The following PCDHGA6 variants were observed in gnomAD, a reference collection of about 807,000 sequenced individuals.
PCDHGA6 encodes protocadherin gamma subfamily A, 6.
Under a neutral mutation model 60.6 loss-of-function variants are expected in PCDHGA6, and 41 were observed. The ratio of observed to expected loss-of-function variants is 0.68; its 90% confidence interval spans 0.53 to 0.88. The LOEUF (loss-of-function observed/expected upper bound fraction) is 0.88. PCDHGA6 is among the 40% of genes least tolerant of loss of function. PCDHGA6 has a pLI of 0.00. For synonymous variants in PCDHGA6, 594 were observed against 524.4 expected (o/e 1.13, Z -1.81); for missense variants, 1,312 against 1,203.0 (o/e 1.09, Z -1.34).
chr5:141,472,853 G>A (rs1283601489), intron 1 of PCDHGA6, among the ~76,000 whole-genome samples: 1 of 151,738 alleles, frequency 6.6e-6, no homozygotes, highest in Non-Finnish European at 1.5e-5. Flanking sequence ...GGGCATGGTG[G>A]CACATGCCTG....
At position 141,399,158 on chromosome 5, in the gene PCDHGA6, C is replaced by T. The variant is rs575806440; in HGVS notation, c.2424+22651C>T. 17 of 1,613,790 alleles carry T rather than the reference C, an allele frequency of 1.1e-5. No homozygotes were observed. The East Asian group carries it at 2.9e-4, about 27-fold the overall frequency. On this transcript the variant is annotated intron_variant, in intron 1 of 3. Transcript: ENST00000517434. The stretch of plus-strand genomic sequence containing the variant: ...GAAAATGACAATAGCCCAGAAGTTA[C>T]ATTCCATTCTCTACTTGAAATGATT...
chr5:141,417,963 A>T (rs1260025037), intron 1 of PCDHGA6: 1 of 1,613,258 alleles, frequency 6.2e-7, no homozygotes, highest in Non-Finnish European at 8.5e-7. Flanking sequence ...CCGATCCGCT[A>T]CTCGATTCCG....
intron 1 of PCDHGA6, among the ~76,000 whole-genome samples, chr5:141,443,858 T>C (rs1325927807): frequency 6.6e-6 from 1 of 152,162 alleles, no homozygotes; most frequent in Non-Finnish European, 1.5e-5. Context: ...GTCTGAAAAC[T>C]GAAAAAATTA....
intron 1 of PCDHGA6, chr5:141,419,030 C>G (rs1178461733): frequency 5.0e-6 from 8 of 1,613,768 alleles, no homozygotes; most frequent in Non-Finnish European, 6.8e-6. Context: ...TAGAGGTGTT[C>G]CATTTAAGAT....
chr5:141,486,844 C>T lies in PCDHGA6; in HGVS notation c.2425-7963C>T, dbSNP rs150549306. The T allele has an allele frequency of 1.1e-5, 17 of 1,614,220 alleles. No homozygotes were observed. The highest frequency in any genetic ancestry group is 1.4e-5 in the Non-Finnish European group (16 of 1,180,026). ...TAACAGTTCGTCTATTTGTGCTGGACCTCAATGACAATGCTCCAGCTGTGC... is the reference window on the plus strand; with the variant it reads ...TAACAGTTCGTCTATTTGTGCTGGATCTCAATGACAATGCTCCAGCTGTGC... On this transcript the variant is annotated intron_variant, in intron 1 of 3. Transcript: ENST00000517434. The surrounding 1 kb of genome is among the most constrained non-coding windows in gnomAD (Gnocchi z 5.0).
In PCDHGA6 at chr5:141,398,596, G is replaced by A. The variant is rs201846904; in HGVS notation, c.2424+22089G>A. 1,173 of 1,614,034 alleles carry A rather than the reference G, an allele frequency of 7.3e-4. 1 individual carries two copies. Among genetic ancestry groups the A allele is most frequent in the Non-Finnish European group, 9.3e-4 (1,101 of 1,179,898 alleles). ...TGGCACAAGATTTATACTAGAAGTA[G>A]CAGAAGATGCAGATATTGGCTTAAA... is the stretch of plus-strand genomic sequence containing the variant. On this transcript the variant is annotated intron_variant, in intron 1 of 3. Transcript: ENST00000517434.
At position 141,374,044 on chromosome 5, in the gene PCDHGA6, T is replaced by C; in HGVS notation, c.-40T>C. 1 of 1,465,536 alleles carries C rather than the reference T, an allele frequency of 6.8e-7. No homozygotes were observed. Among genetic ancestry groups the C allele is most frequent in the Non-Finnish European group, 9.0e-7 (1 of 1,107,946 alleles). The allele number at this position is 1,465,536 out of a possible 1,614,324, so 90.8% of individuals were successfully genotyped here. On this transcript the variant is annotated 5_prime_UTR_variant, in exon 1 of 4. Transcript: ENST00000517434. ...AGCAAAAGTGATGCAGATCTGTTCT[T>C]CCTCTTCTTAATCCCAGAGAAGTTC...
At chr5:141,422,498 C>T (rs1482415670) in intron 1 of PCDHGA6, 1 of 1,613,964 alleles carries the variant, frequency 6.2e-7, no homozygotes, top group Admixed American at 1.7e-5. Flanking sequence ...ATAACGTTGA[C>T]AGCCACAGAC....
intron 1 of PCDHGA6, chr5:141,433,023 A>C: frequency 6.2e-7 from 1 of 1,614,084 alleles, no homozygotes; most frequent in East Asian, 2.2e-5. Context: ...ACCTATTCCC[A>C]CGAGGTTTCC....
In PCDHGA6 at chr5:141,432,645, C is replaced by A. The variant is rs758701539; in HGVS notation, c.2424+56138C>A. ...CTGCACACGGGCGAGGTGCGCACGG[C>A]GCGAGCCCTGCTGGACAGAGACGCG... On this transcript the variant is annotated intron_variant, in intron 1 of 3. Coordinates refer to ENST00000517434, the MANE Select transcript of PCDHGA6 (RefSeq NM_018919.3). This position sits in a 1 kb window ranked among gnomAD's most constrained non-coding sequence, Gnocchi z 6.0. The A allele has an allele frequency of 1.2e-5, 20 of 1,613,628 alleles. No individual in the cohort carries two copies. The highest frequency in any genetic ancestry group is 1.6e-4 in the Middle Eastern group (1 of 6,066).
chr5:141,419,877 C>G (rs1272137716), intron 1 of PCDHGA6: 24 of 1,614,062 alleles, frequency 1.5e-5, no homozygotes, highest in Non-Finnish European at 1.9e-5. Flanking sequence ...GAGGTACTGC[C>G]GGATTTCAGC....
chr5:141,428,073 G>A (rs2097106496), intron 1 of PCDHGA6: 1 of 1,609,082 alleles, frequency 6.2e-7, no homozygotes, highest in Admixed American at 1.7e-5. Flanking sequence ...CGCAGATTCG[G>A]GACACAACGC....
At chr5:141,494,524 C>T (rs2099754936) in intron 1 of PCDHGA6, among the ~76,000 whole-genome samples, 1 of 152,156 alleles carries the variant, frequency 6.6e-6, no homozygotes, top group African/African-American at 2.4e-5. Flanking sequence ...GGAGTTCTGA[C>T]TCTGGGGGCA....
In PCDHGA6 at chr5:141,431,320, C is replaced by A. The variant is rs993831541; in HGVS notation, c.2424+54813C>A. ...CCCTCATCGTGCAAAATGGAGCCGA[C>A]GGTAGTAAGTACCCCGAATTGGTGC... On this transcript the variant is annotated intron_variant, in intron 1 of 3. Transcript: ENST00000517434. This position sits in a 1 kb window ranked among gnomAD's most constrained non-coding sequence, Gnocchi z 4.8. 1 of 1,614,102 alleles carries A rather than the reference C, an allele frequency of 6.2e-7. No individual in the cohort carries two copies. The highest frequency in any genetic ancestry group is 1.7e-5 in the Admixed American group (1 of 60,032).
At chr5:141,445,558 G>A (rs1172697298) in intron 1 of PCDHGA6, among the ~76,000 whole-genome samples, 1 of 152,172 alleles carries the variant, frequency 6.6e-6, no homozygotes, top group Non-Finnish European at 1.5e-5. Flanking sequence ...AAAGCACTAA[G>A]AGAAAGCTTA....
rs781289120 is a variant in PCDHGA6 at position 141,431,571 on chromosome 5, A to G, written c.2424+55064A>G. ...GTAGTCAACGCTACCGACCCTGACG[A>G]AGGAGTCAATGCGGAAGTGAGGTAT... is the stretch of plus-strand genomic sequence containing the variant. On this transcript the variant is annotated intron_variant, in intron 1 of 3. Transcript: ENST00000517434. The surrounding 1 kb of genome is among the most constrained non-coding windows in gnomAD (Gnocchi z 4.8). 6.2e-7 allele frequency: 1 copy of G among 1,614,144 alleles called. No homozygotes were observed. The highest frequency in any genetic ancestry group is 2.2e-5 in the East Asian group (1 of 44,882).
intron 1 of PCDHGA6, among the ~76,000 whole-genome samples, chr5:141,434,881 A>C (rs1221252749): frequency 6.6e-6 from 1 of 151,958 alleles, no homozygotes; most frequent in Non-Finnish European, 1.5e-5. Context: ...AGATACCAAC[A>C]ACAATCCAGT....
intron 1 of PCDHGA6, among the ~76,000 whole-genome samples, chr5:141,425,869 C>T (rs1376765137): frequency 2.0e-5 from 3 of 152,198 alleles, no homozygotes. Context: ...TATAGATTCC[C>T]ATCTCTAAGG....
chr5:141,403,200 C>T (rs765799006), intron 1 of PCDHGA6: 1 of 1,613,982 alleles, frequency 6.2e-7, no homozygotes, highest in South Asian at 1.1e-5. Flanking sequence ...CGCAGCGGCA[C>T]CTTGGTCACC....
Sources: gnomAD v4.1 joint callset for allele counts (sites outside exome capture counted in the v4.1 genomes callset) on GRCh38, gnomAD v4.1.1 for gene constraint, Gnocchi (gnomAD v3.1) non-coding constraint, MANE v1.5 for transcripts, NCBI Gene and HGNC (gene_info 2026-07-23, HGNC 2026-07-21) for gene names.